Variants in NBAS observed in about 807,000 individuals in gnomAD.
NBAS encodes NBAS subunit of NRZ tethering complex, also known as NAG/BC035112 fusion.
A neutral mutation model predicts 302.5 loss-of-function variants in NBAS; 219 were observed. The observed-to-expected ratio is 0.72, with a 90% CI of 0.65 to 0.81. The LOEUF (loss-of-function observed/expected upper bound fraction) is 0.81. NBAS is among the 30% of genes least tolerant of loss of function. The probability of loss-of-function intolerance (pLI) is 0.00; values close to 1 mark genes in which losing one functional copy is unlikely to be tolerated. For missense variants in NBAS, 2,932 were observed against 2,841.6 expected (o/e 1.03, Z -0.72); for synonymous variants, 1,118 against 1,021.6 (o/e 1.09, Z -1.80).
the NBAS span, among the ~76,000 whole-genome samples, chr2:14,802,451 T>C: frequency 6.6e-6 from 1 of 151,566 alleles, no homozygotes; most frequent in African/African-American, 2.4e-5. Flanking sequence ...TGAAGTCAGG[T>C]AGTGTGATGC....
chr2:14,784,168 GT>G, the NBAS span, among the ~76,000 whole-genome samples: 5 of 152,086 alleles, frequency 3.3e-5, no homozygotes, highest in African/African-American at 1.2e-4. Context: ...TGATGGGGTT[GT>G]TTTTTTCTTG....
chr2:14,877,969 T>C, the NBAS span, among the ~76,000 whole-genome samples: 1 of 152,300 alleles, frequency 6.6e-6, no homozygotes, highest in Admixed American at 6.5e-5. Context: ...TTGTAATTAC[T>C]AATTCCTCCA....
At chr2:15,536,595 AGAT>A in intron 7 of NBAS, 44 bp from the exon 8 acceptor site, 4 of 1,483,130 alleles carry the variant, frequency 2.7e-6, no homozygotes, top group Non-Finnish European at 3.7e-6. Flanking sequence ...AAAAAAAACT[AGAT>A]AAAAGTTAAC....
chr2:14,885,560 G>C, the NBAS span, among the ~76,000 whole-genome samples: 1 of 152,156 alleles, frequency 6.6e-6, no homozygotes, highest in Non-Finnish European at 1.5e-5. Flanking sequence ...GTGAGGAGTA[G>C]AGATACACAT....
At chr2:15,518,931 C>T (rs1319176728) in intron 9 of NBAS, among the ~76,000 whole-genome samples, 1 of 152,034 alleles carries the variant, frequency 6.6e-6, no homozygotes, top group Non-Finnish European at 1.5e-5. Context: ...GAAAGACTCG[C>T]CCCCATGATT....
the NBAS span, among the ~76,000 whole-genome samples, chr2:14,990,705 T>G: frequency 6.6e-6 from 1 of 152,124 alleles, no homozygotes; most frequent in African/African-American, 2.4e-5. Context: ...GCTCAGGGGA[T>G]CTTCCTGCCT....
At chr2:15,046,248 GT>G in the NBAS span, among the ~76,000 whole-genome samples, 1 of 152,126 alleles carries the variant, frequency 6.6e-6, no homozygotes, top group Non-Finnish European at 1.5e-5. Flanking sequence ...GATTCAGTAT[GT>G]TTTCATAGCT....
chr2:15,393,714 A>G, intron 28 of NBAS: 1 of 470,846 alleles, frequency 2.1e-6, no homozygotes, highest in Non-Finnish European at 4.4e-6. Flanking sequence ...ACGGACAGAG[A>G]AGTGGTAAAC....
In NBAS at chr2:15,468,509, C is replaced by G; in HGVS notation, c.1750G>C (p.Val584Leu). ...ACTCTTTCCAAACACTCATGGAGAA[C>G]CCAGGATCGCTTCTTTATTTTACTC... ...YLSKIKKRSW[V>L]LHECLERVPE... Residue 584 changes from valine (V) to leucine (L), a missense_variant, in exon 17 of 52, where the codon GTT (valine) becomes CTT (leucine). Transcript: ENST00000281513. 1 of 1,614,048 alleles carries G rather than the reference C, an allele frequency of 6.2e-7. No individual in the cohort carries two copies. Among genetic ancestry groups the G allele is most frequent in the Non-Finnish European group, 8.5e-7 (1 of 1,179,962 alleles).
chr2:14,958,512 A>T, the NBAS span, among the ~76,000 whole-genome samples: 1 of 152,108 alleles, frequency 6.6e-6, no homozygotes, highest in African/African-American at 2.4e-5. Flanking sequence ...AATGGAGCAA[A>T]TGCGCTACTC....
At chr2:14,942,416 A>T in the NBAS span, among the ~76,000 whole-genome samples, 1 of 151,568 alleles carries the variant, frequency 6.6e-6, no homozygotes, top group Non-Finnish European at 1.5e-5. Context: ...ATTATGTAGC[A>T]CCTCACCCCT....
the NBAS span, among the ~76,000 whole-genome samples, chr2:14,793,937 A>T: frequency 1.3e-5 from 2 of 152,198 alleles, no homozygotes; most frequent in Non-Finnish European, 2.9e-5. Flanking sequence ...GCTAACTGTG[A>T]TCTATATCTG....
intron 31 of NBAS, among the ~76,000 whole-genome samples, chr2:15,372,992 G>A (rs185512089): frequency 6.6e-5 from 10 of 152,184 alleles, no homozygotes; most frequent in Admixed American, 1.3e-4. Context: ...AGTCAAATCC[G>A]TAACAGCATG....
the NBAS span, among the ~76,000 whole-genome samples, chr2:15,109,205 GT>G: frequency 6.6e-6 from 1 of 152,124 alleles, no homozygotes; most frequent in Non-Finnish European, 1.5e-5. Flanking sequence ...TTTGGTGCCT[GT>G]CAATAAGAGA....
At chr2:14,937,619 C>G in the NBAS span, among the ~76,000 whole-genome samples, 1 of 152,080 alleles carries the variant, frequency 6.6e-6, no homozygotes, top group Admixed American at 6.5e-5. Flanking sequence ...GACTTTGATT[C>G]TAGGAGAATC....
intron 35 of NBAS, among the ~76,000 whole-genome samples, chr2:15,331,790 A>C (rs956453076): frequency 2.6e-5 from 4 of 152,242 alleles, no homozygotes; most frequent in African/African-American, 9.6e-5. Context: ...TGATAGCCAT[A>C]TCCTAATCCC....
At chr2:15,538,173 G>A (rs1358088751) in intron 7 of NBAS, among the ~76,000 whole-genome samples, 1 of 151,918 alleles carries the variant, frequency 6.6e-6, no homozygotes, top group Non-Finnish European at 1.5e-5. Flanking sequence ...GCTTCTCATT[G>A]TAGTTACTAT....
rs1423189838 is a variant in NBAS, at chr2:15,167,118, G to A, written c.7046C>T (p.Ala2349Val). 1 of 1,614,016 alleles carries A rather than the reference G, an allele frequency of 6.2e-7. No individual in the cohort carries two copies. Among genetic ancestry groups the A allele is most frequent in the Non-Finnish European group, 8.5e-7 (1 of 1,179,904 alleles). The change falls in exon 52 of 52, where the codon GCC becomes GTC. Residue 2349 changes from alanine (A) to valine (V), a missense_variant. Physicochemically the swap from Ala to Val is moderately conservative, Grantham distance 64 (BLOSUM62 0). Transcript: ENST00000281513. ...HEAEAGSLLL[A>V]VRGTHQAFRT... ...GAAGGCCTGGTGAGTCCCCCTCACG[G>A]CCAGAAGGAGAGACCCGGCTTCGGC...
chr2:14,785,957 C>T, the NBAS span, among the ~76,000 whole-genome samples: 7 of 152,052 alleles, frequency 4.6e-5, no homozygotes, highest in Admixed American at 2.0e-4. Context: ...GTCCTGGACT[C>T]TATTTAGTTG....
Sources: gnomAD v4.1 joint callset for allele counts (sites outside exome capture counted in the v4.1 genomes callset) on GRCh38, gnomAD v4.1.1 for gene constraint, MANE v1.5 for transcripts, NCBI Gene and HGNC (gene_info 2026-07-23, HGNC 2026-07-21) for gene names.